The following LMO7 variants were observed in gnomAD, a reference collection of about 807,000 sequenced individuals.
LMO7 encodes the protein LIM domain only protein 7.
Under a neutral mutation model 206.5 loss-of-function variants are expected in LMO7, and 120 were observed. The ratio of observed to expected loss-of-function variants is 0.58; its 90% CI spans 0.50 to 0.68. The LOEUF (loss-of-function observed/expected upper bound fraction) is 0.68, where lower values mean the gene tolerates loss of function less well. LMO7 is among the 30% of genes least tolerant of loss of function. The probability of loss-of-function intolerance (pLI) is 0.00; values close to 1 mark genes in which losing one functional copy is unlikely to be tolerated. For synonymous variants in LMO7, 706 were observed against 681.5 expected (o/e 1.04, Z -0.56); for missense variants, 1,959 against 1,957.9 (o/e 1.00, Z -0.01).
At chr13:75,836,939 A>T (rs1211710906) in intron 19 of LMO7, among the ~76,000 whole-genome samples, 2 of 152,212 alleles carry the variant, frequency 1.3e-5, no homozygotes, top group East Asian at 3.8e-4. Flanking sequence ...ATCTAGGGAA[A>T]TTTTGGAGTT....
chr13:75,678,952 T>G (rs1184637282), intron 1 of LMO7, among the ~76,000 whole-genome samples: 6 of 152,222 alleles, frequency 3.9e-5, no homozygotes, highest in Non-Finnish European at 5.9e-5. Context: ...GGAAAAGACC[T>G]TAGTATCTGG....
intron 27 of LMO7, among the ~76,000 whole-genome samples, chr13:75,850,439 G>C (rs1365220403): frequency 6.6e-6 from 1 of 152,052 alleles, no homozygotes; most frequent in East Asian, 1.9e-4. Flanking sequence ...TACATTCAAG[G>C]ATGTACACTT....
At chr13:75,844,482 T>C (rs1408170255) in intron 25 of LMO7, among the ~76,000 whole-genome samples, 1 of 151,978 alleles carries the variant, frequency 6.6e-6, no homozygotes, top group African/African-American at 2.4e-5. Flanking sequence ...TGATCTCAGC[T>C]CACTGCAACC....
At chr13:75,794,010 C>G (rs1007246704) in intron 4 of LMO7, among the ~76,000 whole-genome samples, 1 of 152,128 alleles carries the variant, frequency 6.6e-6, no homozygotes, top group Non-Finnish European at 1.5e-5. Flanking sequence ...TTTTCATTGC[C>G]ATATGATATT....
At chr13:75,729,359 A>G (rs2138690238) in intron 3 of LMO7, among the ~76,000 whole-genome samples, 1 of 146,802 alleles carries the variant, frequency 6.8e-6, no homozygotes, top group Admixed American at 6.8e-5. Flanking sequence ...TGTAAGTTGG[A>G]TTCCTAGGTA....
Position 75,834,375 on chromosome 13 carries a change from T to A in LMO7, c.3214T>A (p.Tyr1072Asn). Residue 1072 changes from tyrosine to asparagine, a missense_variant, in exon 17 of 31, where the codon TAT becomes AAT. Physicochemically the swap from Tyr to Asn is moderately radical, Grantham distance 143 (BLOSUM62 -2). Coordinates refer to ENST00000377534, the MANE Select transcript of LMO7 (RefSeq NM_001306080.2). ...ACACCTAGTGATGGATGTGAGGCGC[T>A]ATGGAAAGGCTGGTGAGTTTGTGTT... is the stretch of plus-strand genomic sequence containing the variant. ...TGHLVMDVRR[Y>N]GKAGSPETKW... 6.3e-7 allele frequency: 1 copy of A among 1,596,790 alleles called. No homozygotes were observed. The highest frequency in any genetic ancestry group is 8.5e-7 in the Non-Finnish European group (1 of 1,172,138).
At chr13:75,802,360 A>C (rs187855756) in intron 7 of LMO7, among the ~76,000 whole-genome samples, 4 of 152,358 alleles carry the variant, frequency 2.6e-5, no homozygotes, top group African/African-American at 7.2e-5. Flanking sequence ...AAGGAAATGA[A>C]TCTGAGTATG....
At chr13:75,848,702 G>A (rs976459123) in intron 26 of LMO7, among the ~76,000 whole-genome samples, 1 of 152,120 alleles carries the variant, frequency 6.6e-6, no homozygotes, top group African/African-American at 2.4e-5. Context: ...CTTGCAAATT[G>A]TGCTGCTATA....
At chr13:75,623,214 T>G in intron 1 of LMO7, 1 of 849,804 alleles carries the variant, frequency 1.2e-6, no homozygotes, top group Admixed American at 2.3e-5. Flanking sequence ...GTTGATTACT[T>G]TTCATTTTTT....
chr13:75,637,407 C>G (rs1333539767), intron 1 of LMO7, among the ~76,000 whole-genome samples: 1 of 152,190 alleles, frequency 6.6e-6, no homozygotes, highest in Non-Finnish European at 1.5e-5. Context: ...CCATTCCCTT[C>G]TTTCACCCTG....
intron 7 of LMO7, among the ~76,000 whole-genome samples, chr13:75,802,817 T>C (rs1380626755): frequency 6.6e-6 from 1 of 152,184 alleles, no homozygotes; most frequent in Non-Finnish European, 1.5e-5. Flanking sequence ...ACTCTCTAGA[T>C]TGTAGTCCTA....
At chr13:75,638,268 C>T (rs2036168504) in intron 1 of LMO7, among the ~76,000 whole-genome samples, 1 of 150,884 alleles carries the variant, frequency 6.6e-6, no homozygotes, top group Non-Finnish European at 1.5e-5. Flanking sequence ...ACACCCTTCC[C>T]TTTTTTTTTA....
chr13:75,747,429 T>C (rs964293105), intron 3 of LMO7, among the ~76,000 whole-genome samples: 4 of 152,184 alleles, frequency 2.6e-5, no homozygotes, highest in East Asian at 1.9e-4. Context: ...GATGCTACAA[T>C]GAAAAGCACC....
chr13:75,830,163 T>A (rs2058521495), intron 15 of LMO7, among the ~76,000 whole-genome samples: 1 of 152,222 alleles, frequency 6.6e-6, no homozygotes, highest in South Asian at 2.1e-4. Flanking sequence ...AAATCCTTCC[T>A]GAAATCATTG....
At chr13:75,790,878 T>G (rs948858051) in intron 4 of LMO7, among the ~76,000 whole-genome samples, 2 of 152,174 alleles carry the variant, frequency 1.3e-5, no homozygotes, top group Non-Finnish European at 2.9e-5. Flanking sequence ...TTCTTGAATA[T>G]TAAACATGTA....
rs1270207162 is a variant in LMO7 at position 75,681,718 on chromosome 13, G to GTGTATATATATATATATATA, written c.70-31463_70-31462insGTATATATATATATATATAT. Among the ~76,000 whole-genome samples, 5 of 104,580 alleles carry GTGTATATATATATATATATA rather than the reference G, an allele frequency of 4.8e-5. No homozygotes were observed. In the Admixed American group the frequency reaches 5.0e-4, roughly 11 times the overall value. 68.6% of individuals were successfully genotyped at this position (104,580 alleles called of 152,430 possible). The stretch of plus-strand genomic sequence containing the variant: ...TATGTATGTATGTGTATATATATAT[G>GTGTATATATATATATATATA]TATATATATATATATATATATATAT... On this transcript the variant is annotated intron_variant, in intron 1 of 30. Transcript: ENST00000377534.
intron 3 of LMO7, among the ~76,000 whole-genome samples, chr13:75,747,160 A>ACTC (rs1441578921): frequency 6.6e-6 from 1 of 152,212 alleles, no homozygotes; most frequent in East Asian, 1.9e-4. Context: ...TTGGAAAAAA[A>ACTC]AATCAGTTAC....
intron 1 of LMO7, among the ~76,000 whole-genome samples, chr13:75,705,522 C>G (rs2137971064): frequency 6.6e-6 from 1 of 152,286 alleles, no homozygotes. Flanking sequence ...TGTTTGACTA[C>G]ATAGTCATCA....
intron 4 of LMO7, among the ~76,000 whole-genome samples, chr13:75,767,230 T>A (rs1379173273): frequency 1.3e-5 from 2 of 152,128 alleles, no homozygotes; most frequent in East Asian, 1.9e-4. Context: ...ATAATTTTTT[T>A]ATATAAAGTG....
Sources: allele counts gnomAD v4.1 joint callset (sites outside exome capture counted in the v4.1 genomes callset), GRCh38; gene constraint gnomAD v4.1.1; transcripts MANE v1.5; gene names NCBI Gene and HGNC (gene_info 2026-07-23, HGNC 2026-07-21).